SAMD5: variants seen among roughly 807,000 people sequenced by gnomAD.
The protein encoded by SAMD5 is sterile alpha motif domain containing 5.
In SAMD5, 13 loss-of-function variants were observed where a neutral mutation model predicts 11.3. The ratio of observed to expected loss-of-function variants is 1.15; its 90% CI spans 0.75 to 1.83. SAMD5 has a LOEUF of 1.83. Ranked by LOEUF, SAMD5 falls within the 40% of genes most tolerant of loss-of-function variation. The probability of loss-of-function intolerance (pLI) is 0.00; values close to 1 mark genes in which losing one functional copy is unlikely to be tolerated. For synonymous variants in SAMD5, 129 were observed against 111.3 expected (o/e 1.16, Z -1.00); for missense variants, 255 against 239.1 (o/e 1.07, Z -0.44).
the SAMD5 span, among the ~76,000 whole-genome samples, chr6:147,886,818 G>A: frequency 1.3e-5 from 2 of 152,182 alleles, no homozygotes; most frequent in Non-Finnish European, 2.9e-5. Flanking sequence ...GAGGAGCTGA[G>A]GGAAGGCTCT....
At chr6:147,523,111 C>A (rs143561101) in intron 1 of SAMD5, among the ~76,000 whole-genome samples, 3 of 152,094 alleles carry the variant, frequency 2.0e-5, no homozygotes, top group African/African-American at 7.2e-5. Flanking sequence ...CCTGCTCCTA[C>A]CCCACCCCAG....
the SAMD5 span, among the ~76,000 whole-genome samples, chr6:147,791,926 A>C: frequency 1.3e-5 from 2 of 152,226 alleles, no homozygotes; most frequent in African/African-American, 4.8e-5. Flanking sequence ...TCAAGGACTT[A>C]AGGAGGAGAT....
intron 1 of SAMD5, among the ~76,000 whole-genome samples, chr6:147,577,172 T>C (rs1789228729): frequency 6.6e-6 from 1 of 152,194 alleles, no homozygotes; most frequent in South Asian, 2.1e-4. Context: ...TTTCAGTGGA[T>C]CTTTGGGTGA....
At chr6:147,685,818 G>C (rs73011996) in intron 1 of SAMD5, among the ~76,000 whole-genome samples, 17,511 of 152,156 alleles carry the variant, frequency 0.12, 1,103 homozygotes, top group Middle Eastern at 0.16. Flanking sequence ...ATGCTTTGCT[G>C]TCTGTGCATG....
At chr6:147,572,804 G>A (rs190637929), downstream of SAMD5, among the ~76,000 whole-genome samples, 4 of 152,192 alleles carry the variant, frequency 2.6e-5, no homozygotes, top group East Asian at 3.9e-4. Flanking sequence ...GATGTGTCTT[G>A]CACAAACCCT....
chr6:147,571,417 A>AT (rs58006364), downstream of SAMD5, among the ~76,000 whole-genome samples: 16,478 of 151,546 alleles, frequency 0.11, 1,095 homozygotes, highest in East Asian at 0.3. Flanking sequence ...CCCACTGAGG[A>AT]TTTTTTTTTA....
chr6:147,838,540 C>T, the SAMD5 span, among the ~76,000 whole-genome samples: 3 of 145,364 alleles, frequency 2.1e-5, no homozygotes, highest in Non-Finnish European at 4.5e-5. Context: ...TGCCCCCCCC[C>T]CGTAGTTATT....
chr6:147,675,605 T>C (rs1583134864), intron 1 of SAMD5, among the ~76,000 whole-genome samples: 1 of 152,222 alleles, frequency 6.6e-6, no homozygotes, highest in East Asian at 1.9e-4. Context: ...GGTTGTTAGC[T>C]TCTGATTTAT....
the SAMD5 span, among the ~76,000 whole-genome samples, chr6:147,954,198 G>A: frequency 6.6e-6 from 1 of 152,176 alleles, no homozygotes; most frequent in African/African-American, 2.4e-5. Flanking sequence ...TCACCTTCGT[G>A]TTTTAAGCTC....
At chr6:147,882,017 T>C in the SAMD5 span, among the ~76,000 whole-genome samples, 1 of 152,316 alleles carries the variant, frequency 6.6e-6, no homozygotes, top group South Asian at 2.1e-4. Context: ...AGGGTTTTTC[T>C]TCCGATGAAA....
the SAMD5 span, among the ~76,000 whole-genome samples, chr6:147,798,228 C>T: frequency 1.3e-4 from 20 of 149,046 alleles, no homozygotes; most frequent in Non-Finnish European, 2.5e-4. Context: ...TCCCTCTACA[C>T]ACTGCTTTGA....
the SAMD5 span, among the ~76,000 whole-genome samples, chr6:147,915,996 G>A: frequency 6.8e-6 from 1 of 147,682 alleles, no homozygotes; most frequent in Non-Finnish European, 1.5e-5. Flanking sequence ...GTGAGAACAT[G>A]CGGTGTTTGG....
intron 1 of SAMD5, among the ~76,000 whole-genome samples, chr6:147,598,097 CT>C (rs113610332): frequency 0.093 from 13,639 of 146,678 alleles, 716 homozygotes; most frequent in Middle Eastern, 0.16. Flanking sequence ...TTTTTCTTTT[CT>C]TTTTTTTTTT....
At chr6:147,896,753 A>AC in the SAMD5 span, among the ~76,000 whole-genome samples, 2 of 149,910 alleles carry the variant, frequency 1.3e-5, no homozygotes, top group African/African-American at 4.9e-5. Context: ...AAAAAAAAAA[A>AC]AAAAAAAAAA....
In SAMD5 at chr6:147,569,233, AAAG is replaced by A. The variant is rs796170208; in HGVS notation, c.*4780_*4782del. 2.3e-4 allele frequency: 79 copies of A among 348,610 alleles called. No individual in the cohort carries two copies. Among genetic ancestry groups the A allele is most frequent in the Non-Finnish European group, 2.6e-4 (66 of 251,642 alleles). 21.6% of individuals were successfully genotyped at this position (348,610 alleles called of 1,614,324 possible). On this transcript the variant is annotated 3_prime_UTR_variant, in exon 2 of 2. Transcript: ENST00000367474. ...GAGACTCTGTCTAAAAAAAAAAAAA[AAAG>A]AAAAGAAAAAAGAAAAATTGAAGAA...
At chr6:147,897,826 T>A in the SAMD5 span, among the ~76,000 whole-genome samples, 3 of 150,942 alleles carry the variant, frequency 2.0e-5, no homozygotes, top group Non-Finnish European at 4.4e-5. Flanking sequence ...ACACCTATAA[T>A]CACAGCTACT....
At chr6:147,747,547 A>G in the SAMD5 span, among the ~76,000 whole-genome samples, 6 of 152,164 alleles carry the variant, frequency 3.9e-5, no homozygotes, top group African/African-American at 1.2e-4. Context: ...CGGGGTCTCT[A>G]TCACTGAGGC....
chr6:147,732,594 C>A (rs900822984), intron 1 of SAMD5, among the ~76,000 whole-genome samples: 1 of 152,118 alleles, frequency 6.6e-6, no homozygotes, highest in Non-Finnish European at 1.5e-5. Context: ...TTGCATGTAA[C>A]CCACTATGAA....
At chr6:147,746,012 G>A in the SAMD5 span, among the ~76,000 whole-genome samples, 12 of 152,232 alleles carry the variant, frequency 7.9e-5, no homozygotes, top group African/African-American at 2.6e-4. Flanking sequence ...AGGGTGCTGG[G>A]ATTACAGGCG....
Sources: gnomAD v4.1 joint callset for allele counts (sites outside exome capture counted in the v4.1 genomes callset) on GRCh38, gnomAD v4.1.1 for gene constraint, MANE v1.5 for transcripts, NCBI Gene and HGNC (gene_info 2026-07-23, HGNC 2026-07-21) for gene names.